FNIP2: variants seen among roughly 807,000 people sequenced by gnomAD.
The protein encoded by FNIP2 is folliculin interacting protein 2, also known as folliculin-interacting protein 2.
A neutral mutation model predicts 108.7 loss-of-function variants in FNIP2; 32 were observed. The ratio of observed to expected loss-of-function variants is 0.29; its 90% confidence interval spans 0.22 to 0.40. The LOEUF (loss-of-function observed/expected upper bound fraction) is 0.40, where lower values mean the gene tolerates loss of function less well. Among genes scored for constraint, FNIP2 ranks in the 10% least tolerant of loss-of-function variants. The pLI is 1.00. For synonymous variants in FNIP2, 480 were observed against 496.7 expected, an observed-to-expected ratio of 0.97 and a Z score of 0.45; for missense variants, 1,202 against 1,381.6, an observed-to-expected ratio of 0.87 and a Z score of 2.06.
intron 7 of FNIP2, among the ~76,000 whole-genome samples, chr4:158,850,618 A>G (rs1779645023): frequency 6.7e-6 from 1 of 149,336 alleles, no homozygotes; most frequent in Admixed American, 6.8e-5. Context: ...CACAGACAAC[A>G]GAGTAGCAGT....
chr4:158,840,092 G>A (rs936281159), intron 7 of FNIP2, among the ~76,000 whole-genome samples: 1 of 152,204 alleles, frequency 6.6e-6, no homozygotes, highest in Non-Finnish European at 1.5e-5. Flanking sequence ...CTAGGAGGTT[G>A]CATCAGCAAA....
At chr4:158,894,668 A>G in intron 15 of FNIP2, among the ~76,000 whole-genome samples, 1 of 151,954 alleles carries the variant, frequency 6.6e-6, no homozygotes, top group East Asian at 1.9e-4. Context: ...TTTCTATTTC[A>G]CTCCATAAGG....
chr4:158,775,153 C>T (rs1249153578), intron 1 of FNIP2, among the ~76,000 whole-genome samples: 1 of 152,112 alleles, frequency 6.6e-6, no homozygotes, highest in Non-Finnish European at 1.5e-5. Context: ...CCAGCATGAA[C>T]TCCTGGTGTG....
chr4:158,806,489 G>T (rs1776965912), intron 1 of FNIP2: 7 of 1,110,474 alleles, frequency 6.3e-6, no homozygotes, highest in Non-Finnish European at 8.4e-6. Context: ...GTAGTAAGGA[G>T]ATGGAATTGT....
At chr4:158,852,901 C>G (rs1306967097) in intron 8 of FNIP2, among the ~76,000 whole-genome samples, 1 of 152,064 alleles carries the variant, frequency 6.6e-6, no homozygotes, top group Non-Finnish European at 1.5e-5. Context: ...ATCTTACATT[C>G]AGAAAGGTTG....
chr4:158,891,390 T>C (rs1039672077), intron 14 of FNIP2, 56 bp from the exon 15 acceptor site: 9 of 1,494,024 alleles, frequency 6.0e-6, no homozygotes, highest in Non-Finnish European at 8.2e-6. Flanking sequence ...AGTGAAACTT[T>C]GACCTTTTGG....
At chr4:158,888,527 A>G (rs1183832505) in intron 14 of FNIP2, among the ~76,000 whole-genome samples, 1 of 152,200 alleles carries the variant, frequency 6.6e-6, no homozygotes, top group Non-Finnish European at 1.5e-5. Flanking sequence ...AATTCTTGTC[A>G]GTTTGTCTCA....
At chr4:158,881,532 G>A (rs773396815) in intron 14 of FNIP2, among the ~76,000 whole-genome samples, 1 of 152,054 alleles carries the variant, frequency 6.6e-6, no homozygotes, top group Non-Finnish European at 1.5e-5. Flanking sequence ...TGCCATCTCC[G>A]CTCACTGCAA....
At chr4:158,869,491 A>T in intron 13 of FNIP2, 63 bp downstream of exon 13, 1 of 1,480,334 alleles carries the variant, frequency 6.8e-7, no homozygotes, top group Non-Finnish European at 8.9e-7. Context: ...CTGGCCTGAC[A>T]CCTGTGATGT....
chr4:158,890,215 C>T, intron 14 of FNIP2: 1 of 985,210 alleles, frequency 1.0e-6, no homozygotes, highest in Non-Finnish European at 1.2e-6. Context: ...GATTGCTGTT[C>T]CTTTCAATGG....
intron 1 of FNIP2, among the ~76,000 whole-genome samples, chr4:158,811,799 C>T (rs759238541): frequency 2.0e-5 from 3 of 152,072 alleles, no homozygotes; most frequent in African/African-American, 7.2e-5. Context: ...CCATGAGTCC[C>T]GAAGTTAGAG....
Position 158,884,762 on chromosome 4 carries a change from G to A in FNIP2, c.2950-6684G>A, listed in dbSNP as rs188586584. Among the ~76,000 whole-genome samples the A allele has an allele frequency of 3.9e-3, 599 of 152,200 alleles. 3 individuals are homozygous for A. Among genetic ancestry groups the A allele is most frequent in the African/African-American group, 0.013 (524 of 41,524 alleles). On this transcript the variant is annotated intron_variant, in intron 14 of 16. Transcript: ENST00000264433. ...GCCTCAGGAAACTTACAATCATGGC[G>A]GAAGGTGAAGGAGAAGCAAGTACCT...
rs571450325 is a variant in FNIP2 at position 158,769,054 on chromosome 4, G to C, written c.-159G>C. The C allele has an allele frequency of 1.9e-5, 3 of 154,944 alleles. No individual in the cohort carries two copies. Among genetic ancestry groups the C allele is most frequent in the African/African-American group, 7.3e-5 (3 of 40,986 alleles). 9.6% of individuals were successfully genotyped at this position (154,944 alleles called of 1,614,324 possible). A position where few individuals can be genotyped will look rare whatever the true frequency, so the allele number is the denominator to read the frequency against. Reference sequence around the variant, plus strand: ...CATATGACCGGCAGCCGGCGGCTCCGGCGCCGAGCAGAGTTACTCAGTCGC... The same window carrying C: ...CATATGACCGGCAGCCGGCGGCTCCCGCGCCGAGCAGAGTTACTCAGTCGC... On this transcript the variant is annotated 5_prime_UTR_variant, in exon 1 of 17. Transcript: ENST00000264433.
intron 16 of FNIP2, among the ~76,000 whole-genome samples, 157 bp downstream of exon 16, chr4:158,896,022 T>C (rs924642261): frequency 2.6e-5 from 4 of 152,210 alleles, no homozygotes; most frequent in Non-Finnish European, 4.4e-5. Context: ...AACTCCCCAA[T>C]GAACAGCATG....
chr4:158,822,531 A>T (rs1213763551), intron 1 of FNIP2, among the ~76,000 whole-genome samples: 1 of 152,098 alleles, frequency 6.6e-6, no homozygotes, highest in Non-Finnish European at 1.5e-5. Flanking sequence ...TCACTCTGTC[A>T]CCAAGACCAG....
intron 1 of FNIP2, among the ~76,000 whole-genome samples, chr4:158,773,299 C>A (rs1374815293): frequency 6.6e-6 from 1 of 152,162 alleles, no homozygotes; most frequent in African/African-American, 2.4e-5. Flanking sequence ...AGATACTATG[C>A]ACTGGTTAGT....
intron 3 of FNIP2, 133 bp downstream of exon 3, chr4:158,829,358 A>G (rs780834075): frequency 5.6e-6 from 4 of 720,004 alleles, no homozygotes; most frequent in Non-Finnish European, 8.3e-6. Flanking sequence ...GAGTACTCTT[A>G]AATGTTTCAC....
In FNIP2 at chr4:158,869,218, G is replaced by T; in HGVS notation, c.2582G>T (p.Gly861Val). 6.2e-7 allele frequency: 1 copy of T among 1,614,064 alleles called. No homozygotes were observed. The highest frequency in any genetic ancestry group is 1.1e-5 in the South Asian group (1 of 91,090). The change falls in exon 13 of 17, where the codon GGC becomes GTC. Residue 861 changes from glycine to valine, a missense_variant. Gly to Val is a moderately radical substitution (Grantham distance 109). Transcript: ENST00000264433. ...GTTGCCCCCAGGTGTGTCCAGCGGG[G>T]CCCTGGCCTCGTGGCTGGTGCGAAT... ...EPVAPRCVQRGPGLVAGANIP... is the reference protein window; with the variant it reads ...EPVAPRCVQRVPGLVAGANIP...
Position 158,835,455 on chromosome 4 carries a change from G to T in FNIP2, c.706G>T (p.Asp236Tyr). Residue 236 changes from aspartate (D) to tyrosine (Y), a missense_variant, in exon 7 of 17, where the codon GAC (aspartate) becomes TAC (tyrosine). Coordinates refer to ENST00000264433, the MANE Select transcript of FNIP2 (RefSeq NM_020840.3). ...MPSRGQNEDR[D>Y]SGIARSASLS... ...AAGCAGAGGACAGAATGAAGACAGG[G>T]ACAGTGGCATTGCTCGATCAGGTAC... The T allele has an allele frequency of 6.2e-7, 1 of 1,612,478 alleles. No individual in the cohort carries two copies. The highest frequency in any genetic ancestry group is 1.1e-5 in the South Asian group (1 of 91,044).
Sources: gnomAD v4.1 joint callset for allele counts (sites outside exome capture counted in the v4.1 genomes callset) on GRCh38, gnomAD v4.1.1 for gene constraint, MANE v1.5 for transcripts, NCBI Gene and HGNC (gene_info 2026-07-23, HGNC 2026-07-21) for gene names.